Variants in OSBPL9 observed in about 807,000 individuals in gnomAD.
OSBPL9 encodes oxysterol-binding protein-related protein 9.
In OSBPL9, 40 loss-of-function variants were observed where a neutral mutation model predicts 106.6. That is an observed-to-expected ratio of 0.38 (90% CI 0.29 to 0.49). OSBPL9 has a LOEUF of 0.49. Ranked by LOEUF, OSBPL9 falls within the 20% of genes least tolerant of loss-of-function variation. The pLI is 0.97. For synonymous variants in OSBPL9, 269 were observed against 295.4 expected (o/e 0.91, Z 0.92); for missense variants, 609 against 887.2 (o/e 0.69, Z 3.98).
At chr1:51,523,779 C>T in the OSBPL9 span, among the ~76,000 whole-genome samples, 4 of 152,150 alleles carry the variant, frequency 2.6e-5, no homozygotes, top group Admixed American at 6.5e-5. Flanking sequence ...ACTCCAACCC[C>T]CCTCCCCAAC....
chr1:51,697,790 G>A (rs1438241265), intron 3 of OSBPL9, among the ~76,000 whole-genome samples: 1 of 149,386 alleles, frequency 6.7e-6, no homozygotes, highest in Non-Finnish European at 1.5e-5. Context: ...TCCTGAAAAT[G>A]TATTCTACAT....
chr1:51,776,129 A>G (rs1254046330), intron 14 of OSBPL9, among the ~76,000 whole-genome samples: 6 of 151,750 alleles, frequency 4.0e-5, no homozygotes, highest in African/African-American at 7.3e-5. Flanking sequence ...CCCGTATTCC[A>G]GTTTGTTGGT....
intron 14 of OSBPL9, among the ~76,000 whole-genome samples, chr1:51,775,711 A>G (rs564421242): frequency 1.2e-4 from 19 of 152,200 alleles, no homozygotes; most frequent in South Asian, 6.2e-4. Context: ...CCTGGGTTCA[A>G]GTGATTCTCC....
chr1:51,714,125 T>G, intron 4 of OSBPL9, 46 bp downstream of exon 4: 1 of 1,434,014 alleles, frequency 7.0e-7, no homozygotes, highest in Non-Finnish European at 9.5e-7. Flanking sequence ...AGTTGTTGCT[T>G]TCTTTTTTTG....
At chr1:51,608,687 G>GA in intron 2 of OSBPL9, among the ~76,000 whole-genome samples, 1 of 151,442 alleles carries the variant, frequency 6.6e-6, no homozygotes, top group African/African-American at 2.4e-5. Flanking sequence ...TGGGGGGGGG[G>GA]GCTTTCCTGC....
chr1:51,548,499 C>A, the OSBPL9 span, among the ~76,000 whole-genome samples: 1 of 151,860 alleles, frequency 6.6e-6, no homozygotes, highest in Non-Finnish European at 1.5e-5. Flanking sequence ...TGGGCTCAAG[C>A]GATCCTCTAA....
upstream of OSBPL9, among the ~76,000 whole-genome samples, chr1:51,613,740 CTT>C (rs1213011994): frequency 2.9e-4 from 41 of 142,728 alleles, no homozygotes; most frequent in Non-Finnish European, 3.4e-4. Flanking sequence ...TCTTTCTTTT[CTT>C]TTTTTTTTTT....
At chr1:51,660,695 C>T (rs1647086332) in intron 2 of OSBPL9, among the ~76,000 whole-genome samples, 1 of 152,198 alleles carries the variant, frequency 6.6e-6, no homozygotes, top group South Asian at 2.1e-4. Context: ...AGTAGGTCCT[C>T]CATGCAGCGT....
At chr1:51,740,254 G>A in intron 4 of OSBPL9, 1 of 1,461,426 alleles carries the variant, frequency 6.8e-7, no homozygotes, top group African/African-American at 1.5e-5. Flanking sequence ...TTCTTTCATT[G>A]GATGAAAGCT....
the OSBPL9 span, among the ~76,000 whole-genome samples, chr1:51,540,730 G>T: frequency 6.6e-6 from 1 of 151,842 alleles, no homozygotes; most frequent in Non-Finnish European, 1.5e-5. Flanking sequence ...AGGTCAAGGT[G>T]GGCAAATCAC....
At position 51,633,113 on chromosome 1, in the gene OSBPL9, C is replaced by T. The variant is rs1402420471; in HGVS notation, c.111+15892C>T. Among the ~76,000 whole-genome samples, 6 of 152,088 alleles carry T rather than the reference C, an allele frequency of 3.9e-5. No individual in the cohort carries two copies. In the East Asian group the frequency reaches 9.8e-4, roughly 25 times the overall value. The stretch of plus-strand genomic sequence containing the variant: ...CTGGAATTACAGGTGTTCGCCACCA[C>T]GCCTGGCTAATTTTTTTATATTTTT... On this transcript the variant is annotated intron_variant, in intron 1 of 23. Coordinates refer to ENST00000428468, the MANE Select transcript of OSBPL9 (RefSeq NM_024586.6).
chr1:51,735,863 G>T (rs929937739), intron 4 of OSBPL9, among the ~76,000 whole-genome samples: 7 of 152,118 alleles, frequency 4.6e-5, no homozygotes, highest in African/African-American at 1.7e-4. Context: ...ATTTCAATGT[G>T]TTTTTCTCCT....
the OSBPL9 span, among the ~76,000 whole-genome samples, chr1:51,553,564 C>T: frequency 0.24 from 36,577 of 151,790 alleles, 5,065 homozygotes; most frequent in Middle Eastern, 0.36. Flanking sequence ...AAAATGAGCT[C>T]AGTAGCTCCC....
At chr1:51,632,313 A>C (rs2148656012) in intron 1 of OSBPL9, among the ~76,000 whole-genome samples, 1 of 152,338 alleles carries the variant, frequency 6.6e-6, no homozygotes, top group African/African-American at 2.4e-5. Flanking sequence ...AGGCAATAAG[A>C]AATTTTCAGC....
intron 3 of OSBPL9, among the ~76,000 whole-genome samples, chr1:51,697,613 G>T (rs1390003344): frequency 6.6e-6 from 1 of 151,464 alleles, no homozygotes; most frequent in African/African-American, 2.4e-5. Flanking sequence ...GGAATGGTAA[G>T]GTATAGGAGT....
At chr1:51,777,779 C>T (rs1044491174) in intron 15 of OSBPL9, among the ~76,000 whole-genome samples, 11 of 151,912 alleles carry the variant, frequency 7.2e-5, no homozygotes, top group Non-Finnish European at 1.0e-4. Context: ...AAAAATGGAA[C>T]GTACCAGTTG....
intron 4 of OSBPL9, among the ~76,000 whole-genome samples, chr1:51,720,702 G>A (rs1450659297): frequency 2.6e-5 from 4 of 151,908 alleles, no homozygotes; most frequent in Non-Finnish European, 4.4e-5. Context: ...TTATTCTTTG[G>A]GCTAAGAAAT....
intron 1 of OSBPL9, among the ~76,000 whole-genome samples, chr1:51,620,548 T>A (rs1644360995): frequency 6.6e-6 from 1 of 152,134 alleles, no homozygotes; most frequent in Non-Finnish European, 1.5e-5. Context: ...TTGTTTTGAC[T>A]TGAATGATGA....
Position 51,643,009 on chromosome 1 carries a change from G to A in OSBPL9, c.112-8982G>A, listed in dbSNP as rs540725161. Among the ~76,000 whole-genome samples the A allele has an allele frequency of 3.9e-5, 6 of 152,248 alleles. No individual in the cohort carries two copies. In the East Asian group the frequency reaches 9.6e-4, roughly 24 times the overall value. On this transcript the variant is annotated intron_variant, in intron 1 of 23. Coordinates refer to ENST00000428468, the MANE Select transcript of OSBPL9 (RefSeq NM_024586.6). The stretch of plus-strand genomic sequence containing the variant: ...TTTATAAAGGAAAGAAGTTTATTTT[G>A]GCTCATGGTTTTAGCAGCTGGAAGA...
Sources: gnomAD v4.1 joint callset for allele counts (sites outside exome capture counted in the v4.1 genomes callset) on GRCh38, gnomAD v4.1.1 for gene constraint, MANE v1.5 for transcripts, NCBI Gene and HGNC (gene_info 2026-07-23, HGNC 2026-07-21) for gene names.